Variants in FSTL5 observed in about 807,000 individuals in gnomAD.
The protein encoded by FSTL5 is follistatin like 5.
FSTL5 carries 62 observed loss-of-function variants against 89.1 expected under a neutral mutation model. That is an observed-to-expected ratio of 0.70 (90% CI 0.57 to 0.86). The LOEUF is 0.86. Among genes scored for constraint, FSTL5 ranks in the 40% least tolerant of loss-of-function variants. The pLI, the probability that FSTL5 is intolerant of heterozygous loss-of-function variation, is 0.00. For synonymous variants in FSTL5, 383 were observed against 346.2 expected (o/e 1.11, Z -1.18); for missense variants, 1,057 against 1,001.6 (o/e 1.06, Z -0.75).
intron 6 of FSTL5, among the ~76,000 whole-genome samples, chr4:161,666,227 A>G (rs1365495721): frequency 1.3e-5 from 2 of 152,148 alleles, no homozygotes; most frequent in African/African-American, 2.4e-5. Flanking sequence ...CATTAACAAA[A>G]CAATCAAGAA....
intron 3 of FSTL5, among the ~76,000 whole-genome samples, chr4:161,982,275 T>G (rs896352277): frequency 6.6e-6 from 1 of 152,218 alleles, no homozygotes; most frequent in Admixed American, 6.5e-5. Context: ...TGATTGTTCA[T>G]TTGGGGTCAA....
At chr4:161,798,060 C>T (rs1729686955) in intron 4 of FSTL5, among the ~76,000 whole-genome samples, 1 of 151,494 alleles carries the variant, frequency 6.6e-6, no homozygotes, top group Non-Finnish European at 1.5e-5. Context: ...ATATATTAAC[C>T]TATATAATAC....
chr4:161,557,333 A>G (rs141931446), intron 8 of FSTL5, among the ~76,000 whole-genome samples: 2 of 151,674 alleles, frequency 1.3e-5, no homozygotes, highest in East Asian at 3.9e-4. Context: ...TAAGTATGCT[A>G]GAATTTTTAA....
Position 161,705,776 on chromosome 4 carries a change from A to G in FSTL5, c.728-49282T>C, listed in dbSNP as rs1319049932. ...GTACAGAAAATACTTCATCATTATA[A>G]AATATTTTAAAATAGTTACTATAAT... On this transcript the variant is annotated intron_variant, in intron 6 of 15. Coordinates refer to ENST00000306100, the MANE Select transcript of FSTL5 (RefSeq NM_020116.5). Among the ~76,000 whole-genome samples the G allele has an allele frequency of 2.0e-5, 3 of 150,592 alleles. 1 individual carries two copies. The highest frequency in any genetic ancestry group is 4.4e-5 in the Non-Finnish European group (3 of 67,608).
intron 6 of FSTL5, among the ~76,000 whole-genome samples, chr4:161,728,369 A>T (rs1159614975): frequency 6.6e-6 from 1 of 152,142 alleles, no homozygotes; most frequent in Admixed American, 6.5e-5. Flanking sequence ...GCTAAACAGA[A>T]TTTTACTGTT....
chr4:161,894,215 G>A (rs1733081877), intron 4 of FSTL5, among the ~76,000 whole-genome samples: 1 of 152,050 alleles, frequency 6.6e-6, no homozygotes, highest in African/African-American at 2.4e-5. Flanking sequence ...GTTAATATCA[G>A]GCCTCTTTGA....
intron 1 of FSTL5, among the ~76,000 whole-genome samples, chr4:162,117,277 G>A (rs996148496): frequency 1.3e-5 from 2 of 152,182 alleles, no homozygotes; most frequent in African/African-American, 4.8e-5. Context: ...CCAATATAGT[G>A]TAGCACCTGT....
At chr4:161,868,257 G>C (rs1177752597) in intron 4 of FSTL5, among the ~76,000 whole-genome samples, 1 of 152,036 alleles carries the variant, frequency 6.6e-6, no homozygotes, top group Non-Finnish European at 1.5e-5. Context: ...CAATCCCTTT[G>C]CTCTCTTGAG....
chr4:161,672,801 T>C (rs572821612), intron 6 of FSTL5, among the ~76,000 whole-genome samples: 46 of 150,556 alleles, frequency 3.1e-4, no homozygotes, highest in African/African-American at 1.0e-3. Flanking sequence ...TTCTTAAGCC[T>C]ACAATTGTTG....
At chr4:161,792,038 C>T (rs962515307) in intron 4 of FSTL5, among the ~76,000 whole-genome samples, 6 of 152,080 alleles carry the variant, frequency 3.9e-5, no homozygotes, top group African/African-American at 4.8e-5. Flanking sequence ...AGCTGTGGAC[C>T]CAGGCATCCC....
chr4:162,058,312 T>C (rs1738616966), intron 2 of FSTL5, among the ~76,000 whole-genome samples: 1 of 151,876 alleles, frequency 6.6e-6, no homozygotes. Flanking sequence ...ATTCTGGCCA[T>C]ATAGGAAAGC....
At chr4:162,100,932 G>A (rs1280388040) in intron 2 of FSTL5, among the ~76,000 whole-genome samples, 3 of 152,194 alleles carry the variant, frequency 2.0e-5, no homozygotes, top group Admixed American at 6.5e-5. Flanking sequence ...ACGAGAGCAC[G>A]ATTTTGACAG....
At chr4:161,400,513 T>C (rs1053954695) in intron 15 of FSTL5, among the ~76,000 whole-genome samples, 1 of 152,030 alleles carries the variant, frequency 6.6e-6, no homozygotes, top group African/African-American at 2.4e-5. Context: ...AAGATAGACA[T>C]GATGAATCAT....
At chr4:162,020,434 A>G (rs1737039492) in intron 3 of FSTL5, among the ~76,000 whole-genome samples, 2 of 152,154 alleles carry the variant, frequency 1.3e-5, no homozygotes, top group Non-Finnish European at 2.9e-5. Flanking sequence ...ATAAATTATA[A>G]AATATTTAAG....
At chr4:161,405,055 A>T (rs1452943798) in intron 15 of FSTL5, among the ~76,000 whole-genome samples, 1 of 152,076 alleles carries the variant, frequency 6.6e-6, no homozygotes, top group Non-Finnish European at 1.5e-5. Flanking sequence ...ACATGGTGAA[A>T]CCCTGTCTCT....
intron 6 of FSTL5, among the ~76,000 whole-genome samples, chr4:161,749,053 G>A (rs1270467867): frequency 6.6e-6 from 1 of 152,054 alleles, no homozygotes; most frequent in African/African-American, 2.4e-5. Context: ...CAGAGGAAAG[G>A]GAACACTTAT....
chr4:161,642,788 G>A (rs992682894), intron 7 of FSTL5, among the ~76,000 whole-genome samples: 1 of 111,504 alleles, frequency 9.0e-6, no homozygotes, highest in East Asian at 3.1e-4. Flanking sequence ...GTTCCCAGGA[G>A]TGGAGAGGAA....
intron 1 of FSTL5, among the ~76,000 whole-genome samples, chr4:162,145,301 CACAAAGCGT>C (rs1224403358): frequency 6.6e-6 from 1 of 151,910 alleles, no homozygotes; most frequent in East Asian, 1.9e-4. Context: ...TCTAAAAACA[CACAAAGCGT>C]AAGTGGGATG....
chr4:162,019,093 A>AT (rs1335743937), intron 3 of FSTL5, among the ~76,000 whole-genome samples: 4 of 152,042 alleles, frequency 2.6e-5, no homozygotes, highest in African/African-American at 4.8e-5. Context: ...ATAAGGAAAG[A>AT]TTTTTTTCTC....
Sources: allele counts gnomAD v4.1 joint callset (sites outside exome capture counted in the v4.1 genomes callset), GRCh38; gene constraint gnomAD v4.1.1; transcripts MANE v1.5; gene names NCBI Gene and HGNC (gene_info 2026-07-23, HGNC 2026-07-21).